The following ACSS1 variants were observed in gnomAD, a reference collection of about 807,000 sequenced individuals.
ACSS1 encodes acyl-CoA synthetase short chain family member 1.
A neutral mutation model predicts 75.3 loss-of-function variants in ACSS1; 42 were observed. The ratio of observed to expected loss-of-function variants is 0.56; its 90% CI spans 0.44 to 0.72. ACSS1 has a LOEUF of 0.72. Ranked by LOEUF, ACSS1 falls within the 30% of genes least tolerant of loss-of-function variation. The pLI is 0.00. For missense variants in ACSS1, 782 were observed against 935.7 expected, an observed-to-expected ratio of 0.84 and a Z score of 2.14; for synonymous variants, 380 against 376.8, an observed-to-expected ratio of 1.01 and a Z score of -0.10.
chr20:25,031,519 C>T (rs6138473), intron 2 of ACSS1, among the ~76,000 whole-genome samples: 56,528 of 152,134 alleles, frequency 0.37, 12,396 homozygotes, highest in African/African-American at 0.61. Flanking sequence ...AATGTCACTT[C>T]GTCAGCCTAC....
At chr20:25,016,969 A>C (rs950451106) in intron 7 of ACSS1, among the ~76,000 whole-genome samples, 5 of 152,068 alleles carry the variant, frequency 3.3e-5, no homozygotes, top group Admixed American at 1.3e-4. Context: ...AGGTCGAGGA[A>C]AACTTCAGCT....
chr20:25,011,658 C>T (rs1328093100), intron 12 of ACSS1: 1 of 152,308 alleles, frequency 6.6e-6, no homozygotes, highest in Non-Finnish European at 1.5e-5. Flanking sequence ...ACATCCCAGC[C>T]TTACCAGCAT....
chr20:25,021,963 C>G (rs776360856), intron 5 of ACSS1, among the ~76,000 whole-genome samples: 5 of 152,128 alleles, frequency 3.3e-5, no homozygotes, highest in Non-Finnish European at 5.9e-5. Flanking sequence ...ACAGGCACAA[C>G]CCAGACCAAA....
intron 1 of ACSS1, among the ~76,000 whole-genome samples, chr20:25,051,312 G>A (rs556467176): frequency 1.6e-4 from 24 of 152,346 alleles, no homozygotes; most frequent in African/African-American, 5.3e-4. Flanking sequence ...CCAGAGCACA[G>A]AGCTGAGGAA....
Position 25,048,144 on chromosome 20 carries a change from C to T in ACSS1, c.372G>A (p.Glu124=), listed in dbSNP as rs753807164. 2 of 1,613,728 alleles carry T rather than the reference C, an allele frequency of 1.2e-6. No homozygotes were observed. Among genetic ancestry groups the T allele is most frequent in the South Asian group, 2.2e-5 (2 of 91,060 alleles). The change falls in exon 2 of 14, where the codon GAG becomes GAA. Residue 124 remains glutamate, a synonymous_variant. Coordinates refer to ENST00000323482, the MANE Select transcript of ACSS1 (RefSeq NM_032501.4). ...CGCGCTCCCAGATCAAAGCAACGCT[C>T]TCGGGGGACTTCCGAACATGCTGGT... The part of the protein sequence containing the change: ...CLDQHVRKSP[E]SVALIWERDE...
chr20:25,015,211 A>C lies in ACSS1; in HGVS notation c.1266T>G (p.Cys422Trp). Residue 422 changes from cysteine (C) to tryptophan (W), a missense_variant, in exon 8 of 14, where the codon TGT (cysteine) becomes TGG (tryptophan). Around this residue, in one of 2 missense-constraint regions of ACSS1, gnomAD observed 405 missense variants for 552.6 expected, o/e 0.73. Transcript: ENST00000323482. ...TLGSVGEPIN[C>W]EAWEWLHRVV... ...CCCTGTGAAGCCACTCCCAGGCCTC[A>C]CAGTTGATGGGCTCTCCCACTGAAA... 6.2e-7 allele frequency: 1 copy of C among 1,612,034 alleles called. No homozygotes were observed. Among genetic ancestry groups the C allele is most frequent in the Non-Finnish European group, 8.5e-7 (1 of 1,178,362 alleles).
At chr20:25,047,513 A>G (rs1568849154) in intron 2 of ACSS1, among the ~76,000 whole-genome samples, 1 of 152,170 alleles carries the variant, frequency 6.6e-6, no homozygotes, top group East Asian at 1.9e-4. Flanking sequence ...AAGACTTGCT[A>G]AGTAATTGGA....
intron 3 of ACSS1, 143 bp downstream of exon 3, chr20:25,030,616 G>A (rs772738337): frequency 4.3e-5 from 40 of 935,572 alleles, no homozygotes; most frequent in Admixed American, 3.5e-4. Context: ...ATTCGGCCAT[G>A]TGCCTGTCCC....
chr20:25,049,230 C>A (rs1022680033), intron 1 of ACSS1, among the ~76,000 whole-genome samples: 1 of 152,044 alleles, frequency 6.6e-6, no homozygotes, highest in Non-Finnish European at 1.5e-5. Flanking sequence ...AACAAGAAGA[C>A]AAACTAAGAA....
At chr20:25,048,202 C>T (rs780342898) in intron 1 of ACSS1, 21 bp from the exon 2 acceptor site, 27 of 1,606,908 alleles carry the variant, frequency 1.7e-5, no homozygotes, top group Non-Finnish European at 2.2e-5. Context: ...AGAGGGTTTG[C>T]GGATGTTACA....
intron 1 of ACSS1, among the ~76,000 whole-genome samples, chr20:25,051,628 A>G (rs112966794): frequency 6.6e-6 from 1 of 152,332 alleles, no homozygotes; most frequent in African/African-American, 2.4e-5. Context: ...CGATGTGTGC[A>G]CATGGACCTA....
At chr20:25,024,301 G>T (rs1020274238) in intron 3 of ACSS1, among the ~76,000 whole-genome samples, 1 of 152,224 alleles carries the variant, frequency 6.6e-6, no homozygotes, top group African/African-American at 2.4e-5. Flanking sequence ...TAACCTAGGG[G>T]TAGGCCCAGA....
Position 25,007,015 on chromosome 20 carries a change from G to A in ACSS1, c.*747C>T. Reference sequence around the variant, plus strand: ...ACAGAACATAACTGGAGTAGCTTCAGAACTAAGGCGGCCACATTCACCCCA... The same window carrying A: ...ACAGAACATAACTGGAGTAGCTTCAAAACTAAGGCGGCCACATTCACCCCA... On this transcript the variant is annotated 3_prime_UTR_variant, in exon 14 of 14. Transcript: ENST00000323482. The A allele has an allele frequency of 3.9e-6, 6 of 1,524,668 alleles. No homozygotes were observed. Among genetic ancestry groups the A allele is most frequent in the Non-Finnish European group, 5.3e-6 (6 of 1,140,404 alleles). The allele number at this position is 1,524,668 out of a possible 1,614,324, so 94.4% of individuals were successfully genotyped here. A position where few individuals can be genotyped will look rare whatever the true frequency, so the allele number is the denominator to read the frequency against.
At chr20:25,032,164 C>T (rs1034975266) in intron 2 of ACSS1, among the ~76,000 whole-genome samples, 1 of 152,222 alleles carries the variant, frequency 6.6e-6, no homozygotes, top group African/African-American at 2.4e-5. Flanking sequence ...TCGTCCACCA[C>T]GTTGCCTATG....
At chr20:25,044,686 C>T (rs61529650) in intron 2 of ACSS1, among the ~76,000 whole-genome samples, 1,916 of 152,340 alleles carry the variant, frequency 0.013, 44 homozygotes, top group African/African-American at 0.044. Context: ...CAGAAAGAGC[C>T]ACTGCCGTCC....
intron 1 of ACSS1, among the ~76,000 whole-genome samples, chr20:25,056,841 G>A (rs1411893008): frequency 1.3e-5 from 2 of 151,822 alleles, no homozygotes; most frequent in African/African-American, 4.8e-5. Context: ...GCCCCTCCCC[G>A]CAGGCCCCAC....
chr20:25,037,726 C>T (rs148229181), intron 2 of ACSS1, among the ~76,000 whole-genome samples: 6 of 152,212 alleles, frequency 3.9e-5, no homozygotes, highest in East Asian at 3.9e-4. Flanking sequence ...GGAAGCCTGG[C>T]GAGGCTGACC....
Position 25,022,798 on chromosome 20 carries a change from G to T in ACSS1, c.960+142C>A, listed in dbSNP as rs563601773. On this transcript the variant is annotated intron_variant, in intron 5 of 13. Coordinates refer to ENST00000323482, the MANE Select transcript of ACSS1 (RefSeq NM_032501.4). ...GAGGAGCTGTAGGGTGGGAGGACTC[G>T]AGGGGGCCCTGCCCCGAATAGGCCA... The T allele has an allele frequency of 5.8e-6, 7 of 1,211,508 alleles. 1 individual carries two copies. The highest frequency in any genetic ancestry group is 3.3e-5 in the Admixed American group (1 of 30,742). 75.0% of individuals were successfully genotyped at this position (1,211,508 alleles called of 1,614,324 possible).
chr20:25,019,520 A>C (rs1297077218), intron 7 of ACSS1, among the ~76,000 whole-genome samples: 1 of 152,178 alleles, frequency 6.6e-6, no homozygotes, highest in Non-Finnish European at 1.5e-5. Context: ...TAGTTATACT[A>C]TTATTACTAT....
Sources: gnomAD v4.1 joint callset for allele counts (sites outside exome capture counted in the v4.1 genomes callset) on GRCh38, gnomAD v4.1.1 for gene constraint, gnomAD v4.1.1 regional missense constraint, MANE v1.5 for transcripts, NCBI Gene and HGNC (gene_info 2026-07-23, HGNC 2026-07-21) for gene names.